Variants in MEIS1 observed in about 807,000 individuals in gnomAD.
MEIS1 encodes the protein homeobox protein Meis1.
A neutral mutation model predicts 50.8 loss-of-function variants in MEIS1; 5 were observed. The ratio of observed to expected loss-of-function variants is 0.10; its 90% CI spans 0.05 to 0.21. The LOEUF (loss-of-function observed/expected upper bound fraction) is 0.21, where lower values mean the gene tolerates loss of function less well. MEIS1 is among the 10% of genes least tolerant of loss of function. MEIS1 has a pLI of 1.00. For synonymous variants in MEIS1, 176 were observed against 179.3 expected (o/e 0.98, Z 0.15); for missense variants, 318 against 517.3 (o/e 0.61, Z 3.74).
At chr2:66,448,365 T>TA (rs1467980773) in intron 6 of MEIS1, among the ~76,000 whole-genome samples, 2 of 152,098 alleles carry the variant, frequency 1.3e-5, no homozygotes, top group Non-Finnish European at 2.9e-5. Context: ...TCTATACTCT[T>TA]AAAAAACAAA....
chr2:66,559,956 C>T (rs1675170804), intron 9 of MEIS1, among the ~76,000 whole-genome samples: 1 of 151,988 alleles, frequency 6.6e-6, no homozygotes, highest in African/African-American at 2.4e-5. Flanking sequence ...ACAACCAGAC[C>T]CAGCTAATTT....
intron 8 of MEIS1, among the ~76,000 whole-genome samples, chr2:66,517,119 T>C (rs1673989497): frequency 6.6e-6 from 1 of 152,156 alleles, no homozygotes; most frequent in East Asian, 1.9e-4. Flanking sequence ...TTTTAAGCCT[T>C]ACCAGCCAGC....
intron 7 of MEIS1, among the ~76,000 whole-genome samples, chr2:66,487,059 C>T (rs1451034537): frequency 2.6e-5 from 4 of 152,144 alleles, no homozygotes; most frequent in Non-Finnish European, 5.9e-5. Flanking sequence ...ATTTGACTTC[C>T]TCTGTTCCTA....
rs759860925 is a variant in MEIS1 at position 66,512,186 on chromosome 2, A to G, written c.780A>G (p.Thr260=). Residue 260 remains threonine (T), a synonymous_variant, in exon 8 of 13, where the codon ACA becomes ACG. Coordinates refer to ENST00000272369, the MANE Select transcript of MEIS1 (RefSeq NM_002398.3). ...ACAACAGTGTAGCTTCCCCCAGCAC[A>G]GGTGACGATGATGACCCTGATAAGG... ...GLDNSVASPS[T]GDDDDPDKDK... 1 of 1,608,654 alleles carries G rather than the reference A, an allele frequency of 6.2e-7. No homozygotes were observed.
At chr2:66,435,955 TTC>T (rs1671787265) in intron 1 of MEIS1, 87 bp downstream of exon 1, 32 of 1,239,458 alleles carry the variant, frequency 2.6e-5, no homozygotes, top group South Asian at 2.4e-4. Context: ...TTTCCTTTTT[TTC>T]TCTCTCTCTT....
At chr2:66,516,547 G>C (rs899486871) in intron 8 of MEIS1, among the ~76,000 whole-genome samples, 5 of 151,220 alleles carry the variant, frequency 3.3e-5, no homozygotes, top group Admixed American at 2.6e-4. Flanking sequence ...TTTCTTTTTT[G>C]TGTATGTGTG....
chr2:66,436,315 A>G (rs1046929441), intron 1 of MEIS1, among the ~76,000 whole-genome samples: 5 of 152,240 alleles, frequency 3.3e-5, no homozygotes, highest in African/African-American at 9.6e-5. Context: ...TTGTCATAGT[A>G]TAGCCAATTT....
chr2:66,499,882 AT>A (rs1673506325), intron 7 of MEIS1, among the ~76,000 whole-genome samples: 1 of 152,198 alleles, frequency 6.6e-6, no homozygotes, highest in Non-Finnish European at 1.5e-5. Flanking sequence ...CACTTAAAAA[AT>A]AATTTAAAGT....
At chr2:66,561,536 G>A (rs1675212948) in intron 9 of MEIS1, among the ~76,000 whole-genome samples, 1 of 152,088 alleles carries the variant, frequency 6.6e-6, no homozygotes, top group South Asian at 2.1e-4. Context: ...ATTTAAGAAT[G>A]CACAGTGTTA....
At chr2:66,457,769 C>T (rs1029407131) in intron 6 of MEIS1, among the ~76,000 whole-genome samples, 1 of 152,188 alleles carries the variant, frequency 6.6e-6, no homozygotes, top group South Asian at 2.1e-4. Context: ...TGCACATGGG[C>T]ACATACATAC....
intron 7 of MEIS1, among the ~76,000 whole-genome samples, chr2:66,509,742 T>G (rs1014108528): frequency 6.6e-6 from 1 of 152,250 alleles, no homozygotes; most frequent in Non-Finnish European, 1.5e-5. Flanking sequence ...ATGGAGTATA[T>G]AATTCAGGTG....
chr2:66,546,795 C>T (rs1220675405), intron 8 of MEIS1, among the ~76,000 whole-genome samples: 9 of 152,170 alleles, frequency 5.9e-5, no homozygotes, highest in Middle Eastern at 3.4e-3. Context: ...CAAACAAATC[C>T]CCTGTGTATA....
rs183350020 is a variant in MEIS1, at chr2:66,455,219, G to A, written c.631-8890G>A. On this transcript the variant is annotated intron_variant, in intron 6 of 12. Coordinates refer to ENST00000272369, the MANE Select transcript of MEIS1 (RefSeq NM_002398.3). ...TGGTAAGTAGAATTTGAACATTCAG[G>A]GCACTTGAATAATTTCTATTACTTA... Among the ~76,000 whole-genome samples the A allele has an allele frequency of 2.5e-3, 382 of 152,200 alleles. 3 individuals are homozygous for A. Among genetic ancestry groups the A allele is most frequent in the African/African-American group, 8.6e-3 (355 of 41,518 alleles).
intron 9 of MEIS1, among the ~76,000 whole-genome samples, chr2:66,566,935 A>G (rs1675364085): frequency 6.6e-6 from 1 of 152,076 alleles, no homozygotes. Context: ...CTCTCATTTG[A>G]TGGTGTGCTG....
intron 9 of MEIS1, 131 bp from the exon 10 acceptor site, chr2:66,567,322 T>C (rs1334488884): frequency 1.8e-5 from 16 of 886,632 alleles, no homozygotes; most frequent in Non-Finnish European, 2.7e-5. Flanking sequence ...CATAGAGCAA[T>C]GGAGAGAACT....
At chr2:66,536,861 A>G (rs1477627688) in intron 8 of MEIS1, among the ~76,000 whole-genome samples, 2 of 152,206 alleles carry the variant, frequency 1.3e-5, no homozygotes, top group Admixed American at 6.5e-5. Flanking sequence ...TCAGCAGTGT[A>G]TATTATTTAA....
chr2:66,473,600 C>T (rs76461423), intron 7 of MEIS1, among the ~76,000 whole-genome samples: 2,364 of 151,776 alleles, frequency 0.016, 60 homozygotes, highest in African/African-American at 0.054. Context: ...GCTAATAGTT[C>T]TGTGGTTTGT....
chr2:66,568,356 A>G (rs1675401796), intron 10 of MEIS1: 1 of 275,872 alleles, frequency 3.6e-6, no homozygotes, highest in South Asian at 4.5e-5. Context: ...TTAGCATCGC[A>G]TTGAGGCAAC....
At chr2:66,439,090 T>C (rs1191096285) in intron 2 of MEIS1, 1 of 155,310 alleles carries the variant, frequency 6.4e-6, no homozygotes, top group Non-Finnish European at 1.4e-5. Context: ...CTTTTTTTTT[T>C]TTTTTTCTTT....
Sources: gnomAD v4.1 joint callset for allele counts (sites outside exome capture counted in the v4.1 genomes callset) on GRCh38, gnomAD v4.1.1 for gene constraint, MANE v1.5 for transcripts, NCBI Gene and HGNC (gene_info 2026-07-23, HGNC 2026-07-21) for gene names.